MSRB3: variants seen among roughly 807,000 people sequenced by gnomAD.
MSRB3 encodes methionine-R-sulfoxide reductase B3.
A neutral mutation model predicts 21.0 loss-of-function variants in MSRB3; 13 were observed. The observed-to-expected ratio is 0.62, with a 90% confidence interval of 0.40 to 0.98. The LOEUF is 0.98. Among genes scored for constraint, MSRB3 ranks in the 50% least tolerant of loss-of-function variants. MSRB3 has a pLI of 0.00. For synonymous variants in MSRB3, 87 were observed against 88.6 expected, an observed-to-expected ratio of 0.98 and a Z score of 0.10; for missense variants, 199 against 230.3, an observed-to-expected ratio of 0.86 and a Z score of 0.88.
At chr12:65,450,955 T>G (rs1425641146) in intron 5 of MSRB3, among the ~76,000 whole-genome samples, 1 of 152,206 alleles carries the variant, frequency 6.6e-6, no homozygotes, top group African/African-American at 2.4e-5. Flanking sequence ...CCTTCTTAGT[T>G]TGATTGTCAT....
intron 4 of MSRB3, among the ~76,000 whole-genome samples, chr12:65,353,801 A>T (rs939639035): frequency 2.0e-5 from 3 of 152,086 alleles, no homozygotes; most frequent in Non-Finnish European, 4.4e-5. Flanking sequence ...TCGTTAGTTG[A>T]TGCAGTTTCT....
intron 4 of MSRB3, among the ~76,000 whole-genome samples, chr12:65,340,356 G>A (rs535263145): frequency 1.3e-5 from 2 of 152,128 alleles, no homozygotes; most frequent in South Asian, 2.1e-4. Flanking sequence ...TAAGAAATAT[G>A]TTTCAGTTAT....
intron 1 of MSRB3, among the ~76,000 whole-genome samples, chr12:65,307,208 T>C (rs1873706079): frequency 6.6e-6 from 1 of 152,198 alleles, no homozygotes; most frequent in Non-Finnish European, 1.5e-5. Flanking sequence ...CATGTTTATT[T>C]ATGTTTAATG....
At chr12:65,381,129 T>C (rs1878919087) in intron 5 of MSRB3, among the ~76,000 whole-genome samples, 1 of 152,146 alleles carries the variant, frequency 6.6e-6, no homozygotes, top group African/African-American at 2.4e-5. Flanking sequence ...TCATGAAGGA[T>C]TTGTTGCAAA....
chr12:65,293,010 T>C (rs1198284146), intron 1 of MSRB3, among the ~76,000 whole-genome samples: 1 of 152,140 alleles, frequency 6.6e-6, no homozygotes, highest in Non-Finnish European at 1.5e-5. Flanking sequence ...TTCCATGTAT[T>C]CATTTGCCTC....
intron 1 of MSRB3, 186 bp downstream of exon 1, chr12:65,279,051 T>G (rs1455946744): frequency 1.2e-5 from 17 of 1,423,518 alleles, no homozygotes; most frequent in South Asian, 1.5e-5. Flanking sequence ...GCGCCAGCGG[T>G]GAGGGGCCGA....
intron 6 of MSRB3, 76 bp downstream of exon 6, chr12:65,453,901 C>A: frequency 8.7e-7 from 1 of 1,155,416 alleles, no homozygotes; most frequent in Non-Finnish European, 1.3e-6. Context: ...CAACTAAGGC[C>A]AAGCGACTGG....
chr12:65,301,838 C>T (rs1168610799), intron 1 of MSRB3, among the ~76,000 whole-genome samples: 1 of 152,114 alleles, frequency 6.6e-6, no homozygotes, highest in East Asian at 1.9e-4. Context: ...GTATGTACTT[C>T]AACCAAAACA....
At position 65,352,923 on chromosome 12, in the gene MSRB3, A is replaced by C. The variant is rs546119604; in HGVS notation, c.264-16075A>C. ...TTTACAGATTCAATGCCATCCCCATAAAGCTACCAATGACTTTCTTCACAG... is the reference window on the plus strand; with the variant it reads ...TTTACAGATTCAATGCCATCCCCATCAAGCTACCAATGACTTTCTTCACAG... On this transcript the variant is annotated intron_variant, in intron 4 of 6. Transcript: ENST00000308259. Among the ~76,000 whole-genome samples the C allele has an allele frequency of 3.8e-3, 573 of 151,906 alleles. 1 individual carries two copies. The highest frequency in any genetic ancestry group is 9.8e-3 in the African/African-American group (408 of 41,458).
chr12:65,293,240 T>C (rs538926237), intron 1 of MSRB3, among the ~76,000 whole-genome samples: 1 of 152,306 alleles, frequency 6.6e-6, no homozygotes, highest in East Asian at 1.9e-4. Context: ...TGCAATGGCT[T>C]CCTAAAGTGT....
At chr12:65,343,247 C>A (rs916699118) in intron 4 of MSRB3, among the ~76,000 whole-genome samples, 1 of 152,060 alleles carries the variant, frequency 6.6e-6, no homozygotes, top group African/African-American at 2.4e-5. Context: ...AGATACTTTG[C>A]CCACTGCCAT....
At chr12:65,432,264 A>G (rs904777887) in intron 5 of MSRB3, among the ~76,000 whole-genome samples, 6 of 152,168 alleles carry the variant, frequency 3.9e-5, no homozygotes, top group Admixed American at 3.3e-4. Context: ...CTTGGAATGT[A>G]GCACACATTA....
chr12:65,455,664 A>AGTTGGTGCC (rs1883055241), intron 6 of MSRB3, among the ~76,000 whole-genome samples: 1 of 152,146 alleles, frequency 6.6e-6, no homozygotes. Context: ...AGATAGATAG[A>AGTTGGTGCC]CAGGTTGAAA....
chr12:65,396,698 A>AG (rs1268383895), intron 5 of MSRB3, among the ~76,000 whole-genome samples: 150 of 113,432 alleles, frequency 1.3e-3, no homozygotes, highest in African/African-American at 4.7e-3. Context: ...TCTCAAAAAA[A>AG]AAAAAAAAAG....
At chr12:65,334,210 AATG>A (rs1409408272) in intron 4 of MSRB3, among the ~76,000 whole-genome samples, 1 of 152,208 alleles carries the variant, frequency 6.6e-6, no homozygotes, top group African/African-American at 2.4e-5. Flanking sequence ...CACTAATGAT[AATG>A]ATAATAATGC....
At chr12:65,299,126 C>T (rs1474461197) in intron 1 of MSRB3, among the ~76,000 whole-genome samples, 2 of 152,148 alleles carry the variant, frequency 1.3e-5, no homozygotes, top group African/African-American at 2.4e-5. Context: ...AATCATTATT[C>T]TAGTAGTTAC....
chr12:65,403,357 C>T (rs547654639), intron 5 of MSRB3, among the ~76,000 whole-genome samples: 9 of 152,306 alleles, frequency 5.9e-5, no homozygotes, highest in Middle Eastern at 3.4e-3. Context: ...TGCCAAGTTG[C>T]GGTGGGCTCT....
intron 6 of MSRB3, among the ~76,000 whole-genome samples, chr12:65,456,296 A>G (rs1883089266): frequency 1.3e-5 from 2 of 152,264 alleles, no homozygotes; most frequent in Non-Finnish European, 2.9e-5. Context: ...TAAAAGGCAC[A>G]GAAAAATGAA....
intron 4 of MSRB3, among the ~76,000 whole-genome samples, chr12:65,364,702 A>T (rs1033041032): frequency 1.3e-5 from 2 of 152,054 alleles, no homozygotes; most frequent in Non-Finnish European, 2.9e-5. Context: ...CTCAAAGGGG[A>T]TTTAAGAGTC....
Sources: gnomAD v4.1 joint callset for allele counts (sites outside exome capture counted in the v4.1 genomes callset) on GRCh38, gnomAD v4.1.1 for gene constraint, MANE v1.5 for transcripts, NCBI Gene and HGNC (gene_info 2026-07-23, HGNC 2026-07-21) for gene names.